ATP5MF: variants seen among roughly 807,000 people sequenced by gnomAD.
ATP5MF encodes ATP synthase F(0) complex subunit f, mitochondrial.
Under a neutral mutation model 13.8 loss-of-function variants are expected in ATP5MF, and 10 were observed. The observed-to-expected ratio is 0.72, with a 90% confidence interval of 0.45 to 1.23. The LOEUF (loss-of-function observed/expected upper bound fraction) is 1.23, where lower values mean the gene tolerates loss of function less well. Ranked by LOEUF, ATP5MF falls within the 50% of genes most tolerant of loss-of-function variation. ATP5MF has a pLI of 0.00. For synonymous variants in ATP5MF, 40 were observed against 45.8 expected (o/e 0.87, Z 0.51); for missense variants, 122 against 118.2 (o/e 1.03, Z -0.15).
intron 1 of ATP5MF, 110 bp from the exon 2 acceptor site, chr7:99,460,303 T>A: frequency 8.4e-7 from 1 of 1,193,060 alleles, no homozygotes; most frequent in Non-Finnish European, 1.2e-6. Flanking sequence ...ATAATGCAAT[T>A]ACACAGAGGC....
intron 2 of ATP5MF, 32 bp from the exon 3 acceptor site, chr7:99,459,295 T>C: frequency 6.6e-7 from 1 of 1,515,838 alleles, no homozygotes; most frequent in Non-Finnish European, 9.2e-7. Flanking sequence ...ACTGCCCTGC[T>C]GGGCTTCACA....
At position 99,458,315 on chromosome 7, in the gene ATP5MF, A is replaced by G. The variant is rs767510899; in HGVS notation, c.*12T>C. 6.2e-7 allele frequency: 1 copy of G among 1,609,556 alleles called. No individual in the cohort carries two copies. Among genetic ancestry groups the G allele is most frequent in the African/African-American group, 1.3e-5 (1 of 74,994 alleles). On this transcript the variant is annotated 3_prime_UTR_variant, in exon 4 of 4. Transcript: ENST00000292475. ...AAGGTCGTGGGGTGGGGGGGTGCAG[A>G]GTGTGTCCTCTTCAGTGGTATTTGC...
At chr7:99,466,012 G>A (rs1798857481) in intron 1 of ATP5MF, 99 bp downstream of exon 1, 1 of 1,586,658 alleles carries the variant, frequency 6.3e-7, no homozygotes, top group African/African-American at 1.3e-5. Context: ...AAGTGCCTGA[G>A]CAAAGGGCAG....
At chr7:99,462,643 C>A (rs1449178014) in intron 1 of ATP5MF, among the ~76,000 whole-genome samples, 3 of 152,120 alleles carry the variant, frequency 2.0e-5, no homozygotes. Context: ...GGCATGGTGG[C>A]GTGTGCCTGT....
chr7:99,464,665 A>C lies in ATP5MF; in HGVS notation c.31+1446T>G, dbSNP rs866084967. Among the ~76,000 whole-genome samples, 285 of 152,002 alleles carry C rather than the reference A, an allele frequency of 1.9e-3. 1 individual carries two copies. The highest frequency in any genetic ancestry group is 6.7e-3 in the African/African-American group (278 of 41,422). On this transcript the variant is annotated intron_variant, in intron 1 of 3. Coordinates refer to ENST00000292475, the MANE Select transcript of ATP5MF (RefSeq NM_004889.5). ...GCGACAGAGCGAGACTCCATCTCAAAAAAACAAACCAGAGGTCAGGCGCAG... is the reference window on the plus strand; with the variant it reads ...GCGACAGAGCGAGACTCCATCTCAACAAAACAAACCAGAGGTCAGGCGCAG...
intron 1 of ATP5MF, among the ~76,000 whole-genome samples, chr7:99,462,902 A>C (rs1798681951): frequency 6.6e-6 from 1 of 152,238 alleles, no homozygotes; most frequent in African/African-American, 2.4e-5. Context: ...TCCATCTGCA[A>C]TCACTGGGTC....
Position 99,459,224 on chromosome 7 carries a change from T to G in ATP5MF, c.179A>C (p.Lys60Thr). The stretch of plus-strand genomic sequence containing the variant: ...CATGGTAATCCCCGAGATGCTCCCC[T>G]TCTTCACATTGATGTACTTGTTGTA... ...RYYNKYINVK[K>T]GSISGITMVL... The change falls in exon 3 of 4, where the codon AAG (lysine) becomes ACG (threonine). Residue 60 changes from lysine to threonine, a missense_variant. Lys to Thr is a moderately conservative substitution (Grantham distance 78). Coordinates refer to ENST00000292475, the MANE Select transcript of ATP5MF (RefSeq NM_004889.5). The G allele has an allele frequency of 6.2e-7, 1 of 1,614,154 alleles. No homozygotes were observed. The highest frequency in any genetic ancestry group is 8.5e-7 in the Non-Finnish European group (1 of 1,179,998).
rs764262832 is a variant in ATP5MF at position 99,460,127 on chromosome 7, C to T, written c.98G>A (p.Arg33Gln). Residue 33 changes from arginine to glutamine, a missense_variant, in exon 2 of 4, where the codon CGG becomes CAG. Physicochemically the swap from Arg to Gln is conservative, Grantham distance 43. Coordinates refer to ENST00000292475, the MANE Select transcript of ATP5MF (RefSeq NM_004889.5). Reference protein sequence around the residue: ...LGELPSWILMRDFSPSGIFGA... With the variant: ...LGELPSWILMQDFSPSGIFGA... ...GAAAATGCCACTAGGACTGAAGTCCCGCATCAAGATCCAGCTTGGCAGCTC... is the reference window on the plus strand; with the variant it reads ...GAAAATGCCACTAGGACTGAAGTCCTGCATCAAGATCCAGCTTGGCAGCTC... 6.4e-5 allele frequency: 103 copies of T among 1,614,158 alleles called. No individual in the cohort carries two copies. In the South Asian group the frequency reaches 7.4e-4, roughly 12 times the overall value.
chr7:99,459,210 C>T lies in ATP5MF; in HGVS notation c.193G>A (p.Gly65Arg). The T allele has an allele frequency of 3.1e-6, 5 of 1,614,116 alleles. No individual in the cohort carries two copies. Among genetic ancestry groups the T allele is most frequent in the Non-Finnish European group, 4.2e-6 (5 of 1,180,022 alleles). ...YINVKKGSIS[G>R]ITMVLACYVL... ...TAGCATGCCAGCACCATGGTAATCC[C>T]CGAGATGCTCCCCTTCTTCACATTG... The change falls in exon 3 of 4, where the codon GGG becomes AGG. Residue 65 changes from glycine to arginine, a missense_variant. Transcript: ENST00000292475.
Position 99,458,389 on chromosome 7 carries a change from A to C in ATP5MF, c.257-34T>G, listed in dbSNP as rs1798428144. ...AGGAAGGCAAGATGGTAAGTATCTT[A>C]AAAGGTTACAGTGAAGGCACAGCAT... is the stretch of plus-strand genomic sequence containing the variant. On this transcript the variant is annotated intron_variant, in intron 3 of 3. Coordinates refer to ENST00000292475, the MANE Select transcript of ATP5MF (RefSeq NM_004889.5). 5 of 1,594,262 alleles carry C rather than the reference A, an allele frequency of 3.1e-6. No homozygotes were observed. The South Asian group carries it at 4.6e-5, about 15-fold the overall frequency.
At position 99,458,349 on chromosome 7, in the gene ATP5MF, T is replaced by G. The variant is rs766079001; in HGVS notation, c.263A>C (p.Glu88Ala). 2 of 1,608,274 alleles carry G rather than the reference T, an allele frequency of 1.2e-6. No homozygotes were observed. ...TCTTCAGTGGTATTTGCGGAGCCGC[T>G]CGTGCTCTGAAGTCAGGAAGGCAAG... is the stretch of plus-strand genomic sequence containing the variant. Reference protein sequence around the residue: ...YSFSYKHLKHERLRKYH With the variant: ...YSFSYKHLKHARLRKYH The change falls in exon 4 of 4, where the codon GAG becomes GCG. Residue 88 changes from glutamate to alanine, a missense_variant. By Grantham distance (107) the Glu-to-Ala change is moderately radical (BLOSUM62 -1). Transcript: ENST00000292475.
At chr7:99,460,867 G>A in intron 1 of ATP5MF, among the ~76,000 whole-genome samples, 1 of 152,210 alleles carries the variant, frequency 6.6e-6, no homozygotes, top group East Asian at 1.9e-4. Flanking sequence ...GCCAGCCCGA[G>A]CAAGTATAAT....
chr7:99,464,902 A>G (rs1798786791), intron 1 of ATP5MF, among the ~76,000 whole-genome samples: 2 of 151,460 alleles, frequency 1.3e-5, no homozygotes, highest in Admixed American at 1.3e-4. Context: ...TGGGAGGCAG[A>G]GGTTGCAGAG....
chr7:99,461,760 C>T (rs1211624289), intron 1 of ATP5MF, among the ~76,000 whole-genome samples: 1 of 151,316 alleles, frequency 6.6e-6, no homozygotes, highest in Non-Finnish European at 1.5e-5. Context: ...CTGGTTCTAG[C>T]GATTCTCCTG....
intron 1 of ATP5MF, 43 bp downstream of exon 1, chr7:99,466,068 G>T (rs773313024): frequency 1.2e-6 from 2 of 1,613,974 alleles, no homozygotes; most frequent in East Asian, 4.5e-5. Flanking sequence ...CTGGACCCTG[G>T]ACCCTGGCTC....
At position 99,462,705 on chromosome 7, in the gene ATP5MF, G is replaced by A. The variant is rs556468654; in HGVS notation, c.32-2512C>T. 2.0e-5 allele frequency among the ~76,000 whole-genome samples: 3 copies of A among 152,336 alleles called. No individual in the cohort carries two copies. In the South Asian group the frequency reaches 6.2e-4, roughly 32 times the overall value. The stretch of plus-strand genomic sequence containing the variant: ...CAGGAGAATCGCTTAAACCTGGGAG[G>A]TAGAGGTTGCAGTGAGCCAAGATCG... On this transcript the variant is annotated intron_variant, in intron 1 of 3. Transcript: ENST00000292475.
intron 3 of ATP5MF, among the ~76,000 whole-genome samples, 177 bp from the exon 4 acceptor site, chr7:99,458,532 C>G (rs1299366621): frequency 6.6e-6 from 1 of 152,174 alleles, no homozygotes; most frequent in Non-Finnish European, 1.5e-5. Flanking sequence ...ACAAAGACAC[C>G]TCAGGAGCCA....
chr7:99,458,735 C>A (rs959061661), intron 3 of ATP5MF, among the ~76,000 whole-genome samples: 2 of 152,136 alleles, frequency 1.3e-5, no homozygotes, highest in Admixed American at 6.5e-5. Context: ...CGACACCTCC[C>A]GCCAATCTCC....
At chr7:99,460,240 T>G in intron 1 of ATP5MF, 47 bp from the exon 2 acceptor site, 2 of 1,603,604 alleles carry the variant, frequency 1.2e-6, no homozygotes, top group South Asian at 1.1e-5. Context: ...AATCTCCCAG[T>G]AACACATATG....
Sources: allele counts gnomAD v4.1 joint callset (sites outside exome capture counted in the v4.1 genomes callset), GRCh38; gene constraint gnomAD v4.1.1; transcripts MANE v1.5; gene names NCBI Gene and HGNC (gene_info 2026-07-23, HGNC 2026-07-21).